Variants in BRAP observed in about 807,000 individuals in gnomAD.
BRAP encodes BRCA1-associated protein.
In BRAP, 42 loss-of-function variants were observed where a neutral mutation model predicts 73.4. That is an observed-to-expected ratio of 0.57 (90% CI 0.45 to 0.74). The LOEUF is 0.74. BRAP is among the 30% of genes least tolerant of loss of function. The pLI is 0.00. For missense variants in BRAP, 593 were observed against 751.4 expected (o/e 0.79, Z 2.46); for synonymous variants, 255 against 267.4 (o/e 0.95, Z 0.45).
Position 111,642,434 on chromosome 12 carries a change from T to C in BRAP, c.*1765A>G, listed in dbSNP as rs1885932170. On this transcript the variant is annotated 3_prime_UTR_variant, in exon 12 of 12. Transcript: ENST00000419234. The stretch of plus-strand genomic sequence containing the variant: ...AGCCTTTCAGAGCATTTATCCCACC[T>C]GTACTGAAAAATCTGTTTTCCCAGG... The C allele has an allele frequency of 6.6e-6, 1 of 152,118 alleles. No homozygotes were observed. The highest frequency in any genetic ancestry group is 1.5e-5 in the Non-Finnish European group (1 of 68,020). 9.4% of individuals were successfully genotyped at this position (152,118 alleles called of 1,614,324 possible). A position where few individuals can be genotyped will look rare whatever the true frequency, so the allele number is the denominator to read the frequency against.
chr12:111,642,716 A>G lies in BRAP; in HGVS notation c.*1483T>C, dbSNP rs958625462. On this transcript the variant is annotated 3_prime_UTR_variant, in exon 12 of 12. Coordinates refer to ENST00000419234, the MANE Select transcript of BRAP (RefSeq NM_006768.5). The stretch of plus-strand genomic sequence containing the variant: ...TCCCACTCTTAAGATATCTGTATAT[A>G]TAAGTCCAAGAGAGACTCAAAGAGT... The G allele has an allele frequency of 6.6e-6, 1 of 152,220 alleles. No individual in the cohort carries two copies. 9.4% of individuals were successfully genotyped at this position (152,220 alleles called of 1,614,324 possible).
intron 10 of BRAP, among the ~76,000 whole-genome samples, chr12:111,650,402 A>G (rs1886272110): frequency 6.6e-6 from 1 of 152,158 alleles, no homozygotes; most frequent in African/African-American, 2.4e-5. Flanking sequence ...AGTAGCTGGG[A>G]CTACAGGTGC....
intron 10 of BRAP, among the ~76,000 whole-genome samples, chr12:111,650,514 C>T (rs1391555856): frequency 6.6e-6 from 1 of 152,184 alleles, no homozygotes; most frequent in African/African-American, 2.4e-5. Flanking sequence ...GATCCACCTG[C>T]CTCGGCCTCC....
At chr12:111,645,647 T>C (rs1043073341) in intron 11 of BRAP, among the ~76,000 whole-genome samples, 4 of 152,154 alleles carry the variant, frequency 2.6e-5, no homozygotes, top group Non-Finnish European at 5.9e-5. Context: ...ATTCTTGATG[T>C]CCAGTCTTAC....
chr12:111,644,522 C>CG lies in BRAP; in HGVS notation c.1455dup (p.Glu486ArgfsTer35), dbSNP rs577248230. Reference sequence around the variant, plus strand: ...TTCATTTCCTGCTCCTCTTTGAGCTCGTTGGTGAGTTTGGCCACTTTTGTG... The same window carrying CG: ...TTCATTTCCTGCTCCTCTTTGAGCTCGGTTGGTGAGTTTGGCCACTTTTGTG... On this transcript the variant is annotated frameshift_variant, in exon 12 of 12. Coordinates refer to ENST00000419234, the MANE Select transcript of BRAP (RefSeq NM_006768.5). LOFTEE classifies it high-confidence loss of function. 18 of 1,613,794 alleles carry CG rather than the reference C, an allele frequency of 1.1e-5. No homozygotes were observed. The highest frequency in any genetic ancestry group is 1.5e-5 in the Non-Finnish European group (18 of 1,179,934).
At chr12:111,678,324 C>T (rs1244376080) in intron 4 of BRAP, among the ~76,000 whole-genome samples, 5 of 150,476 alleles carry the variant, frequency 3.3e-5, no homozygotes, top group Admixed American at 3.3e-4. Flanking sequence ...TTCAAAAAGT[C>T]TGGGAACCAC....
intron 4 of BRAP, among the ~76,000 whole-genome samples, chr12:111,674,818 C>T (rs1887316239): frequency 6.6e-6 from 1 of 152,120 alleles, no homozygotes; most frequent in Admixed American, 6.6e-5. Flanking sequence ...ATGCTTTTGG[C>T]TAAGTAAGCA....
At chr12:111,670,506 T>G (rs1887126654) in intron 5 of BRAP, 1 of 225,254 alleles carries the variant, frequency 4.4e-6, no homozygotes, top group Non-Finnish European at 8.8e-6. Context: ...TTTAATTTTG[T>G]TTTTTAGATG....
In BRAP at chr12:111,655,632, C is replaced by A; in HGVS notation, c.1245G>T (p.Gln415His). 6.2e-7 allele frequency: 1 copy of A among 1,613,168 alleles called. No individual in the cohort carries two copies. The highest frequency in any genetic ancestry group is 2.2e-5 in the East Asian group (1 of 44,874). The change falls in exon 10 of 12, where the codon CAG becomes CAT. Residue 415 changes from glutamine to histidine, a missense_variant. Gln to His is a conservative substitution (Grantham distance 24, BLOSUM62 0). This residue lies in a region of BRAP where 143 missense variants were observed against 190.4 expected (regional missense o/e 0.75). Coordinates refer to ENST00000419234, the MANE Select transcript of BRAP (RefSeq NM_006768.5). ...CCCAGTAGATTCGCTGAGATTCCAG[C>A]TGGCTTGTTAGTAAATATGAATACT... ...QLEYSYLLTS[Q>H]LESQRIYWEN...
chr12:111,650,112 A>G (rs1200928863), intron 10 of BRAP, 70 bp from the exon 11 acceptor site: 9 of 1,113,768 alleles, frequency 8.1e-6, no homozygotes, highest in South Asian at 2.9e-5. Flanking sequence ...GACCAACATC[A>G]TATTTTTCCC....
chr12:111,672,845 T>C (rs1339169090), intron 4 of BRAP, 71 bp from the exon 5 acceptor site: 3 of 1,191,348 alleles, frequency 2.5e-6, no homozygotes, highest in African/African-American at 3.0e-5. Context: ...ATATTCAATA[T>C]GCATGGCTTT....
At chr12:111,667,209 T>C (rs1426032678) in intron 5 of BRAP, among the ~76,000 whole-genome samples, 2 of 152,168 alleles carry the variant, frequency 1.3e-5, no homozygotes, top group Admixed American at 1.3e-4. Context: ...TAAATGCTAG[T>C]GAACAAGTGT....
intron 10 of BRAP, among the ~76,000 whole-genome samples, chr12:111,654,282 C>G (rs1886429766): frequency 6.6e-6 from 1 of 151,772 alleles, no homozygotes; most frequent in Admixed American, 6.6e-5. Flanking sequence ...AGAAGTTCAT[C>G]AATAACTTTT....
chr12:111,645,686 A>G (rs1886085489), intron 11 of BRAP, among the ~76,000 whole-genome samples: 1 of 152,104 alleles, frequency 6.6e-6, no homozygotes, highest in Admixed American at 6.6e-5. Context: ...AAATGAAACC[A>G]CCATTTGAGG....
Position 111,672,703 on chromosome 12 carries a change from C to T in BRAP, c.705G>A (p.Gln235=), listed in dbSNP as rs775890351. 24 of 1,614,124 alleles carry T rather than the reference C, an allele frequency of 1.5e-5. No individual in the cohort carries two copies. The highest frequency in any genetic ancestry group is 2.0e-5 in the Non-Finnish European group (24 of 1,180,022). Residue 235 remains glutamine, a synonymous_variant, in exon 5 of 12, where the codon CAG becomes CAA. Transcript: ENST00000419234. ...QFNSIEDDVC[Q]LVYVERAEVL... ...CTTCAGCTCTTTCCACATACACTAGCTGGCAAACGTCATCTTCTATTGAGT... is the reference window on the plus strand; with the variant it reads ...CTTCAGCTCTTTCCACATACACTAGTTGGCAAACGTCATCTTCTATTGAGT...
chr12:111,644,474 CTTGG>C lies in BRAP; in HGVS notation c.1500_1503del (p.Asn500LysfsTer8). ...TCTTTTAGCTTGTTCTGCAGGAGGACTTGGTTGGCTCGCAAACACTTGTTCATTT... is the reference window on the plus strand; with the variant it reads ...TCTTTTAGCTTGTTCTGCAGGAGGACTTGGCTCGCAAACACTTGTTCATTT... On this transcript the variant is annotated frameshift_variant, in exon 12 of 12. Coordinates refer to ENST00000419234, the MANE Select transcript of BRAP (RefSeq NM_006768.5). LOFTEE classifies it high-confidence loss of function. 2 of 1,614,182 alleles carry C rather than the reference CTTGG, an allele frequency of 1.2e-6. No individual in the cohort carries two copies.
At chr12:111,677,295 T>C (rs1409683011) in intron 4 of BRAP, among the ~76,000 whole-genome samples, 2 of 152,226 alleles carry the variant, frequency 1.3e-5, no homozygotes, top group East Asian at 1.9e-4. Context: ...TACTTGCTTA[T>C]TGCCCTAGTT....
chr12:111,670,335 G>T (rs577017677), intron 5 of BRAP: 3 of 487,858 alleles, frequency 6.1e-6, no homozygotes, highest in African/African-American at 2.0e-5. Context: ...GCTCCAGCTC[G>T]CTGAGACTTT....
intron 6 of BRAP, among the ~76,000 whole-genome samples, chr12:111,661,478 C>T (rs1886752223): frequency 6.6e-6 from 1 of 151,842 alleles, no homozygotes; most frequent in African/African-American, 2.4e-5. Flanking sequence ...GGGGTTTCTC[C>T]CTGTTGGTCA....
Sources: allele counts gnomAD v4.1 joint callset (sites outside exome capture counted in the v4.1 genomes callset), GRCh38; gene constraint gnomAD v4.1.1; regional missense constraint gnomAD v4.1.1; transcripts MANE v1.5; gene names NCBI Gene and HGNC (gene_info 2026-07-23, HGNC 2026-07-21).